NDST3: variants seen among roughly 807,000 people sequenced by gnomAD.
NDST3 encodes bifunctional heparan sulfate N-deacetylase/N-sulfotransferase 3.
A neutral mutation model predicts 96.1 loss-of-function variants in NDST3; 58 were observed. The ratio of observed to expected loss-of-function variants is 0.60; its 90% CI spans 0.49 to 0.75. The LOEUF is 0.75. Ranked by LOEUF, NDST3 falls within the 30% of genes least tolerant of loss-of-function variation. The pLI is 0.00. For missense variants in NDST3, 788 were observed against 1,034.2 expected (o/e 0.76, Z 3.27); for synonymous variants, 333 against 359.7 (o/e 0.93, Z 0.84).
At chr4:118,093,061 A>G (rs541410225) in intron 2 of NDST3, among the ~76,000 whole-genome samples, 1 of 151,880 alleles carries the variant, frequency 6.6e-6, no homozygotes, top group African/African-American at 2.4e-5. Flanking sequence ...AGAAACAGGA[A>G]TAATCTTGTG....
At chr4:118,170,156 A>G (rs1735839492) in intron 6 of NDST3, among the ~76,000 whole-genome samples, 1 of 152,186 alleles carries the variant, frequency 6.6e-6, no homozygotes, top group African/African-American at 2.4e-5. Flanking sequence ...GAGACTGACA[A>G]CATTCTGGAA....
chr4:118,075,294 A>G (rs1727430488), intron 2 of NDST3, among the ~76,000 whole-genome samples: 1 of 152,140 alleles, frequency 6.6e-6, no homozygotes, highest in Admixed American at 6.6e-5. Flanking sequence ...AATCCAGTCT[A>G]TCATTGTTGG....
At position 118,103,626 on chromosome 4, in the gene NDST3, G is replaced by C. The variant is rs367840205; in HGVS notation, c.982-1392G>C. Among the ~76,000 whole-genome samples, 4 of 152,162 alleles carry C rather than the reference G, an allele frequency of 2.6e-5. No homozygotes were observed. In the East Asian group the frequency reaches 5.8e-4, roughly 22 times the overall value. On this transcript the variant is annotated intron_variant, in intron 2 of 13. Coordinates refer to ENST00000296499, the MANE Select transcript of NDST3 (RefSeq NM_004784.3). ...TTTGTAACTTCATCATGTCCAGCTG[G>C]CTGGATTCCTCCTCCCCCATCCAAA...
intron 6 of NDST3, among the ~76,000 whole-genome samples, chr4:118,181,598 T>G (rs1397838323): frequency 6.6e-6 from 1 of 152,114 alleles, no homozygotes; most frequent in Admixed American, 6.6e-5. Flanking sequence ...ACCCTGAATA[T>G]CAACTTCCAA....
At chr4:118,054,934 C>T in intron 2 of NDST3, 43 bp downstream of exon 2, 1 of 1,598,492 alleles carries the variant, frequency 6.3e-7, no homozygotes, top group South Asian at 1.1e-5. Flanking sequence ...AGTTCATCTT[C>T]CAGCAGGGAT....
chr4:118,104,402 A>G (rs1486230715), intron 2 of NDST3, among the ~76,000 whole-genome samples: 1 of 152,208 alleles, frequency 6.6e-6, no homozygotes, highest in African/African-American at 2.4e-5. Flanking sequence ...AATACTCAGC[A>G]TGGTAAATAT....
chr4:118,233,339 A>G (rs920430704), intron 9 of NDST3, among the ~76,000 whole-genome samples: 1 of 152,216 alleles, frequency 6.6e-6, no homozygotes, highest in Non-Finnish European at 1.5e-5. Flanking sequence ...TGTTATACCA[A>G]GAGGATCACA....
intron 6 of NDST3, among the ~76,000 whole-genome samples, chr4:118,181,812 T>C (rs962204826): frequency 1.3e-5 from 2 of 152,218 alleles, no homozygotes; most frequent in African/African-American, 4.8e-5. Flanking sequence ...TCAGCAGTTT[T>C]AGGTATATTT....
intron 2 of NDST3, among the ~76,000 whole-genome samples, chr4:118,062,335 T>C (rs1196815155): frequency 2.6e-5 from 4 of 152,150 alleles, no homozygotes; most frequent in Non-Finnish European, 5.9e-5. Context: ...ACTGGGAAGA[T>C]TGGTCCTCCC....
At chr4:118,164,283 T>A (rs1431284251) in intron 6 of NDST3, among the ~76,000 whole-genome samples, 3 of 152,118 alleles carry the variant, frequency 2.0e-5, no homozygotes, top group Admixed American at 2.0e-4. Flanking sequence ...AAGTGGGAAC[T>A]AAATGATGAG....
At chr4:118,114,308 A>G (rs567782516) in intron 3 of NDST3, among the ~76,000 whole-genome samples, 1 of 152,122 alleles carries the variant, frequency 6.6e-6, no homozygotes, top group South Asian at 2.1e-4. Context: ...TCTCTTTCTT[A>G]TGTGTCAGTT....
chr4:118,063,549 T>C (rs569972036), intron 2 of NDST3, among the ~76,000 whole-genome samples: 10 of 152,278 alleles, frequency 6.6e-5, no homozygotes, highest in African/African-American at 2.4e-4. Flanking sequence ...ATTCCATGTT[T>C]CTAGAAAATA....
intron 6 of NDST3, among the ~76,000 whole-genome samples, chr4:118,201,020 A>C: frequency 6.6e-6 from 1 of 152,132 alleles, no homozygotes; most frequent in Non-Finnish European, 1.5e-5. Flanking sequence ...TCCCAATTAG[A>C]AGGAAGAACA....
rs7689231 is a variant in NDST3 at position 118,134,524 on chromosome 4, T to A, written c.1225-3530T>A. 5.5e-3 allele frequency among the ~76,000 whole-genome samples: 842 copies of A among 152,324 alleles called. 9 individuals are homozygous for A. The highest frequency in any genetic ancestry group is 0.019 in the African/African-American group (808 of 41,564). Reference sequence around the variant, plus strand: ...AATGATAGAATTGAAGAAAAGTAGCTAAATTTAAGATATATACCAGAGATA... The same window carrying A: ...AATGATAGAATTGAAGAAAAGTAGCAAAATTTAAGATATATACCAGAGATA... On this transcript the variant is annotated intron_variant, in intron 4 of 13. Coordinates refer to ENST00000296499, the MANE Select transcript of NDST3 (RefSeq NM_004784.3).
intron 2 of NDST3, among the ~76,000 whole-genome samples, chr4:118,101,112 C>T (rs994228770): frequency 2.6e-5 from 4 of 151,858 alleles, no homozygotes; most frequent in Non-Finnish European, 5.9e-5. Context: ...ATTATCAAGA[C>T]ATTCCACCAA....
At chr4:118,089,432 G>A (rs928733472) in intron 2 of NDST3, among the ~76,000 whole-genome samples, 1 of 151,774 alleles carries the variant, frequency 6.6e-6, no homozygotes, top group Non-Finnish European at 1.5e-5. Context: ...ATCTGAACTG[G>A]GTCACTGAAA....
intron 1 of NDST3, among the ~76,000 whole-genome samples, chr4:118,038,794 C>G (rs1724287431): frequency 6.6e-6 from 1 of 152,056 alleles, no homozygotes. Flanking sequence ...ACCTGAAGCT[C>G]TTTAGTTATT....
chr4:118,246,604 C>CA (rs1456494715), intron 12 of NDST3, among the ~76,000 whole-genome samples: 4 of 150,656 alleles, frequency 2.7e-5, no homozygotes, highest in East Asian at 1.9e-4. Context: ...GAAACTCCAT[C>CA]AAAAAAAAGA....
chr4:118,118,669 G>C (rs760730087), intron 4 of NDST3, among the ~76,000 whole-genome samples: 1 of 152,110 alleles, frequency 6.6e-6, no homozygotes, highest in Non-Finnish European at 1.5e-5. Context: ...TGCAGCTTTA[G>C]AGGTTGAATG....
Sources: gnomAD v4.1 joint callset for allele counts (sites outside exome capture counted in the v4.1 genomes callset) on GRCh38, gnomAD v4.1.1 for gene constraint, MANE v1.5 for transcripts, NCBI Gene and HGNC (gene_info 2026-07-23, HGNC 2026-07-21) for gene names.